The following GNAO1 variants were observed in gnomAD, a reference collection of about 807,000 sequenced individuals.
The protein encoded by GNAO1 is guanine nucleotide-binding protein G(o) subunit alpha.
For missense variants in GNAO1, 166 were observed against 478.7 expected, an observed-to-expected ratio of 0.35 and a Z score of 6.10; for synonymous variants, 164 against 180.7, an observed-to-expected ratio of 0.91 and a Z score of 0.74.
At chr16:56,299,197 C>T (rs1336177729) in intron 3 of GNAO1, among the ~76,000 whole-genome samples, 1 of 152,238 alleles carries the variant, frequency 6.6e-6, no homozygotes, top group African/African-American at 2.4e-5. Flanking sequence ...CTTGGGGCTG[C>T]CATCCAGGTG....
At chr16:56,349,363 C>A (rs2037901069) in intron 6 of GNAO1, among the ~76,000 whole-genome samples, 1 of 152,166 alleles carries the variant, frequency 6.6e-6, no homozygotes, top group South Asian at 2.1e-4. Context: ...GGAGCATGTT[C>A]CTGTGGAATC....
At chr16:56,320,416 T>C (rs2037559174) in intron 3 of GNAO1, among the ~76,000 whole-genome samples, 1 of 152,248 alleles carries the variant, frequency 6.6e-6, no homozygotes, top group African/African-American at 2.4e-5. Flanking sequence ...ATGATGGTGC[T>C]GTCATCCCCA....
intron 5 of GNAO1, among the ~76,000 whole-genome samples, chr16:56,335,189 G>A (rs551609095): frequency 6.6e-6 from 1 of 152,166 alleles, no homozygotes; most frequent in Non-Finnish European, 1.5e-5. Flanking sequence ...GGTCACCTTG[G>A]GGGGAGGAGC....
chr16:56,327,206 C>T (rs1183740495), intron 3 of GNAO1, among the ~76,000 whole-genome samples: 1 of 152,088 alleles, frequency 6.6e-6, no homozygotes, highest in African/African-American at 2.4e-5. Context: ...TCCCCGAGTC[C>T]TCTTCCCAGG....
intron 6 of GNAO1, chr16:56,340,723 TCCAG>T (rs766431733): frequency 4.5e-5 from 42 of 927,178 alleles, no homozygotes; most frequent in Middle Eastern, 2.2e-4. Flanking sequence ...CGGTGGTGCA[TCCAG>T]CCACATTGGT....
chr16:56,210,040 C>T (rs777152777), intron 2 of GNAO1, among the ~76,000 whole-genome samples: 1 of 152,138 alleles, frequency 6.6e-6, no homozygotes, highest in African/African-American at 2.4e-5. Flanking sequence ...CCTCTGTGCT[C>T]CACCTGTTCT....
intron 3 of GNAO1, among the ~76,000 whole-genome samples, chr16:56,327,562 C>T (rs371805799): frequency 6.6e-6 from 1 of 152,194 alleles, no homozygotes; most frequent in African/African-American, 2.4e-5. Flanking sequence ...GTGGCGGTGA[C>T]GGTGCAGTCC....
At position 56,355,109 on chromosome 16, in the gene GNAO1, CT is replaced by C. The variant is rs2037955370; in HGVS notation, c.*28+30del. ...AATGATTCCAGCACCCACAGAACAG[CT>C]TGCGTGCGCGCGCATACACACACAC... On this transcript the variant is annotated intron_variant, in intron 8 of 8. Transcript: ENST00000262493. 7.0e-6 allele frequency: 7 copies of C among 999,800 alleles called. No individual in the cohort carries two copies. In the Admixed American group the frequency reaches 9.5e-5, roughly 14 times the overall value. The allele number at this position is 999,800 out of a possible 1,614,324, so 61.9% of individuals were successfully genotyped here. A position where few individuals can be genotyped will look rare whatever the true frequency, so the allele number is the denominator to read the frequency against.
chr16:56,294,404 C>T (rs2037264274), intron 3 of GNAO1, among the ~76,000 whole-genome samples: 1 of 151,894 alleles, frequency 6.6e-6, no homozygotes, highest in African/African-American at 2.4e-5. Flanking sequence ...AATGCCCCTC[C>T]CAGATCCTCT....
At chr16:56,261,857 CCAAA>C in intron 2 of GNAO1, among the ~76,000 whole-genome samples, 1 of 152,190 alleles carries the variant, frequency 6.6e-6, no homozygotes, top group Non-Finnish European at 1.5e-5. Flanking sequence ...TGCCATCTTT[CCAAA>C]CAAACGTCCA....
At chr16:56,337,004 A>T (rs1404006185) in intron 6 of GNAO1, 144 bp downstream of exon 6, 1 of 793,528 alleles carries the variant, frequency 1.3e-6, no homozygotes, top group Non-Finnish European at 2.0e-6. Flanking sequence ...TCCATCATGG[A>T]CAGGCCGTGC....
chr16:56,283,283 A>C (rs1383832171), intron 3 of GNAO1, among the ~76,000 whole-genome samples: 1 of 152,162 alleles, frequency 6.6e-6, no homozygotes, highest in Non-Finnish European at 1.5e-5. Flanking sequence ...CGACCCTAAC[A>C]GGGGGCTCCC....
intron 2 of GNAO1, among the ~76,000 whole-genome samples, chr16:56,195,383 T>C (rs1217116114): frequency 2.0e-5 from 3 of 152,222 alleles, no homozygotes; most frequent in Non-Finnish European, 4.4e-5. Context: ...ACTTGTTTTG[T>C]TAACCACAAA....
At chr16:56,206,283 G>A (rs2036327350) in intron 2 of GNAO1, among the ~76,000 whole-genome samples, 1 of 147,066 alleles carries the variant, frequency 6.8e-6, no homozygotes, top group South Asian at 2.1e-4. Flanking sequence ...TCACGCCATT[G>A]CACTCCAGCC....
At chr16:56,299,841 G>A (rs1596850634) in intron 3 of GNAO1, among the ~76,000 whole-genome samples, 1 of 152,204 alleles carries the variant, frequency 6.6e-6, no homozygotes, top group African/African-American at 2.4e-5. Context: ...TCTGCTGGGA[G>A]AAATCAGCAC....
intron 3 of GNAO1, among the ~76,000 whole-genome samples, chr16:56,286,359 C>T (rs2037167319): frequency 9.2e-5 from 14 of 152,264 alleles, no homozygotes; most frequent in African/African-American, 3.4e-4. Flanking sequence ...ACCACACTGG[C>T]AAACTGGCTT....
chr16:56,252,555 C>G lies in GNAO1; in HGVS notation c.162-23376C>G, dbSNP rs9937598. The stretch of plus-strand genomic sequence containing the variant: ...TCTCTCTTGGCCTGCATTTCCTCCT[C>G]TGAGGAATCTTCTAATAGTACCTTT... On this transcript the variant is annotated intron_variant, in intron 2 of 8. Transcript: ENST00000262493. Among the ~76,000 whole-genome samples, 475 of 152,344 alleles carry G rather than the reference C, an allele frequency of 3.1e-3. 2 individuals carry two copies. The highest frequency in any genetic ancestry group is 0.01 in the African/African-American group (424 of 41,570).
intron 2 of GNAO1, among the ~76,000 whole-genome samples, chr16:56,256,520 G>T (rs1478468): frequency 4.6e-5 from 7 of 151,966 alleles, no homozygotes; most frequent in Admixed American, 3.9e-4. Context: ...CTTGTTTCCC[G>T]CATGTACCCC....
At chr16:56,250,788 A>G (rs1205507931) in intron 2 of GNAO1, among the ~76,000 whole-genome samples, 1 of 152,110 alleles carries the variant, frequency 6.6e-6, no homozygotes, top group Admixed American at 6.5e-5. Context: ...CCAAATCCCC[A>G]TGCAAAGTGT....
Sources: gnomAD v4.1 joint callset for allele counts (sites outside exome capture counted in the v4.1 genomes callset) on GRCh38, gnomAD v4.1.1 for gene constraint, MANE v1.5 for transcripts, NCBI Gene and HGNC (gene_info 2026-07-23, HGNC 2026-07-21) for gene names.